The following C8A variants were observed in gnomAD, a reference collection of about 807,000 sequenced individuals.
C8A encodes complement C8 alpha chain, also known as complement component C8 alpha chain.
C8A carries 67 observed loss-of-function variants against 65.3 expected under a neutral mutation model. The ratio of observed to expected loss-of-function variants is 1.03; its 90% CI spans 0.84 to 1.26. The LOEUF is 1.26. Among genes scored for constraint, C8A ranks in the 50% most tolerant of loss-of-function variants. The pLI, the probability that C8A is intolerant of heterozygous loss-of-function variation, is 0.00. For missense variants in C8A, 781 were observed against 723.9 expected, an observed-to-expected ratio of 1.08 and a Z score of -0.90; for synonymous variants, 290 against 259.4, an observed-to-expected ratio of 1.12 and a Z score of -1.13.
intron 7 of C8A, among the ~76,000 whole-genome samples, chr1:56,898,495 C>T (rs1374900932): frequency 6.6e-6 from 1 of 152,234 alleles, no homozygotes; most frequent in African/African-American, 2.4e-5. Flanking sequence ...ATTTCTTCTA[C>T]CTGGAATTTT....
chr1:56,917,593 C>A lies in C8A; in HGVS notation c.1632C>A (p.Cys544Ter), dbSNP rs751928361. Reference sequence around the variant, plus strand: ...CCAAAGCAGATGGGAGCTGGAGTTGCTGGAGCTCCTGGTCTGTATGCAGAG... The same window carrying A: ...CCAAAGCAGATGGGAGCTGGAGTTGATGGAGCTCCTGGTCTGTATGCAGAG... ...EGAKADGSWS[C>*]WSSWSVCRAG... The change falls in exon 11 of 11, where the codon TGC becomes TGA. Residue 544 changes from cysteine (C) to a stop codon, truncating the protein, a stop_gained. Coordinates refer to ENST00000361249, the MANE Select transcript of C8A (RefSeq NM_000562.3). LOFTEE classifies it high-confidence loss of function. The A allele has an allele frequency of 6.2e-6, 10 of 1,614,210 alleles. No homozygotes were observed. Among genetic ancestry groups the A allele is most frequent in the Non-Finnish European group, 8.5e-6 (10 of 1,180,036 alleles).
chr1:56,917,767 C>A lies in C8A; in HGVS notation c.*51C>A. On this transcript the variant is annotated 3_prime_UTR_variant, in exon 11 of 11. Transcript: ENST00000361249. Reference sequence around the variant, plus strand: ...GATGCTGTGGATGTCGACCCCTGCACTGACTATTGGATAAAGACTTCTTTC... The same window carrying A: ...GATGCTGTGGATGTCGACCCCTGCAATGACTATTGGATAAAGACTTCTTTC... 1.1e-5 allele frequency: 17 copies of A among 1,603,460 alleles called. No individual in the cohort carries two copies. Among genetic ancestry groups the A allele is most frequent in the Non-Finnish European group, 1.4e-5 (16 of 1,171,676 alleles).
chr1:56,855,122 T>C (rs1643960643), intron 1 of C8A, 144 bp downstream of exon 1: 3 of 748,358 alleles, frequency 4.0e-6, no homozygotes, highest in East Asian at 5.4e-5. Context: ...TGGAGGAGGA[T>C]GGGACAGTGA....
intron 1 of C8A, among the ~76,000 whole-genome samples, chr1:56,865,490 CT>C (rs968431194): frequency 6.6e-6 from 1 of 152,214 alleles, no homozygotes; most frequent in Non-Finnish European, 1.5e-5. Flanking sequence ...ACCCTCGTGA[CT>C]TAGTCACCTC....
intron 2 of C8A, among the ~76,000 whole-genome samples, chr1:56,871,035 T>C (rs1269148780): frequency 6.6e-6 from 1 of 152,200 alleles, no homozygotes; most frequent in Non-Finnish European, 1.5e-5. Flanking sequence ...CATTATTTGA[T>C]AGCAACCTAG....
At chr1:56,889,729 T>C (rs1644329653) in intron 7 of C8A, among the ~76,000 whole-genome samples, 1 of 152,150 alleles carries the variant, frequency 6.6e-6, no homozygotes, top group Non-Finnish European at 1.5e-5. Context: ...GGGAATCTTT[T>C]GTCCTTGGGT....
chr1:56,884,793 A>G (rs190592974), intron 6 of C8A, among the ~76,000 whole-genome samples: 3 of 152,186 alleles, frequency 2.0e-5, no homozygotes, highest in African/African-American at 7.2e-5. Flanking sequence ...TTTCTTTATT[A>G]CTTAGTTCAA....
intron 3 of C8A, among the ~76,000 whole-genome samples, chr1:56,875,641 G>A (rs1644191175): frequency 6.6e-6 from 1 of 152,092 alleles, no homozygotes; most frequent in Non-Finnish European, 1.5e-5. Context: ...AAAGCATGGG[G>A]ATCAGAGACT....
chr1:56,874,833 C>A, intron 2 of C8A, 116 bp from the exon 3 acceptor site: 5 of 1,113,990 alleles, frequency 4.5e-6, no homozygotes, highest in Non-Finnish European at 6.6e-6. Context: ...GCTTCACAGG[C>A]AGGTCTCAAT....
chr1:56,862,558 A>G (rs953065717), intron 1 of C8A, among the ~76,000 whole-genome samples: 1 of 152,204 alleles, frequency 6.6e-6, no homozygotes, highest in African/African-American at 2.4e-5. Context: ...ACCCCAGTGC[A>G]TATCTCAGGA....
intron 9 of C8A, 66 bp from the exon 10 acceptor site, chr1:56,912,337 G>T: frequency 1.3e-6 from 2 of 1,503,116 alleles, no homozygotes; most frequent in Non-Finnish European, 1.8e-6. Context: ...TTGGTGGCCG[G>T]TTCTTGGGCT....
chr1:56,917,496 A>T (rs570928705), intron 10 of C8A, 69 bp from the exon 11 acceptor site: 14 of 1,555,412 alleles, frequency 9.0e-6, no homozygotes, highest in Non-Finnish European at 1.2e-5. Context: ...CTCCCTGTTC[A>T]TCACCAGACA....
chr1:56,875,767 G>C (rs1557701333), intron 3 of C8A, among the ~76,000 whole-genome samples: 1 of 152,106 alleles, frequency 6.6e-6, no homozygotes, highest in Non-Finnish European at 1.5e-5. Context: ...AAGAGGAATG[G>C]AGAACCACTG....
chr1:56,864,873 T>C (rs1644069683), intron 1 of C8A, among the ~76,000 whole-genome samples: 2 of 152,162 alleles, frequency 1.3e-5, no homozygotes, highest in African/African-American at 2.4e-5. Context: ...CTCATAATAA[T>C]GGTAAGACAT....
chr1:56,915,776 A>T (rs1644545873), intron 10 of C8A, among the ~76,000 whole-genome samples: 1 of 152,146 alleles, frequency 6.6e-6, no homozygotes, highest in African/African-American at 2.4e-5. Flanking sequence ...CAGGATTTGG[A>T]CCCGGGACCC....
At chr1:56,875,386 G>A (rs1644188506) in intron 3 of C8A, among the ~76,000 whole-genome samples, 1 of 152,116 alleles carries the variant, frequency 6.6e-6, no homozygotes, top group African/African-American at 2.4e-5. Flanking sequence ...CAGGAAGTAT[G>A]CTATCTGCTG....
chr1:56,858,439 A>G (rs1317885434), intron 1 of C8A, among the ~76,000 whole-genome samples: 1 of 152,210 alleles, frequency 6.6e-6, no homozygotes, highest in African/African-American at 2.4e-5. Flanking sequence ...TGAAAAGCAG[A>G]ATTCCTTAGG....
intron 7 of C8A, among the ~76,000 whole-genome samples, chr1:56,887,708 C>T (rs1030683119): frequency 6.6e-6 from 1 of 152,126 alleles, no homozygotes; most frequent in African/African-American, 2.4e-5. Context: ...GCAGCATTCA[C>T]AATAACAAAG....
intron 10 of C8A, 151 bp from the exon 11 acceptor site, chr1:56,917,414 A>G: frequency 2.7e-6 from 2 of 751,374 alleles, no homozygotes; most frequent in Non-Finnish European, 4.7e-6. Context: ...CCTTATCTGT[A>G]CGTACCTCCA....
Sources: gnomAD v4.1 joint callset for allele counts (sites outside exome capture counted in the v4.1 genomes callset) on GRCh38, gnomAD v4.1.1 for gene constraint, MANE v1.5 for transcripts, NCBI Gene and HGNC (gene_info 2026-07-23, HGNC 2026-07-21) for gene names.